The following ITGAE variants were observed in gnomAD, a reference collection of about 807,000 sequenced individuals.
The protein encoded by ITGAE is integrin alpha-E.
In ITGAE, 99 loss-of-function variants were observed where a neutral mutation model predicts 136.5. That is an observed-to-expected ratio of 0.73 (90% confidence interval 0.62 to 0.86). The LOEUF is 0.86. Ranked by LOEUF, ITGAE falls within the 40% of genes least tolerant of loss-of-function variation. The probability of loss-of-function intolerance (pLI) is 0.00; values close to 1 mark genes in which losing one functional copy is unlikely to be tolerated. For synonymous variants in ITGAE, 613 were observed against 591.8 expected, an observed-to-expected ratio of 1.04 and a Z score of -0.52; for missense variants, 1,447 against 1,515.3, an observed-to-expected ratio of 0.95 and a Z score of 0.75.
chr17:3,757,021 C>T lies in ITGAE; in HGVS notation c.1134G>A (p.Leu378=). 6.2e-7 allele frequency: 1 copy of T among 1,614,200 alleles called. No individual in the cohort carries two copies. The highest frequency in any genetic ancestry group is 8.5e-7 in the Non-Finnish European group (1 of 1,180,030). Residue 378 remains leucine, a synonymous_variant, in exon 10 of 31, where the codon CTG becomes CTA. Coordinates refer to ENST00000263087, the MANE Select transcript of ITGAE (RefSeq NM_002208.5). The part of the protein sequence containing the change: ...KVTNYMALDG[L]LSKLRYNIIS... ...TGATGTTGTACCGCAGTTTGCTCAG[C>T]AGCCCATCCAGCGCCATGTAGTTGG...
chr17:3,788,346 G>A (rs550486149), intron 1 of ITGAE, among the ~76,000 whole-genome samples: 1 of 151,658 alleles, frequency 6.6e-6, no homozygotes, highest in East Asian at 1.9e-4. Context: ...CTGGAGTGCA[G>A]TGGTGTGATC....
At chr17:3,743,436 T>TAGA in intron 19 of ITGAE, 53 bp downstream of exon 19, 1 of 1,513,872 alleles carries the variant, frequency 6.6e-7, no homozygotes, top group Non-Finnish European at 8.8e-7. Context: ...AGCAGGTGGT[T>TAGA]TCTGTGGGAT....
Position 3,728,099 on chromosome 17 carries a change from A to G in ITGAE, c.2976+6T>C, listed in dbSNP as rs774367628. 2.5e-6 allele frequency: 4 copies of G among 1,608,884 alleles called. No homozygotes were observed. Among genetic ancestry groups the G allele is most frequent in the Middle Eastern group, 1.6e-4 (1 of 6,066 alleles). ...CATCTACAGCTTTACAATAATAAGT[A>G]CTTACATGGAAGAGGAATTCTTTGT... On this transcript the variant is annotated splice_donor_region_variant and intron_variant, in intron 25 of 30. Transcript: ENST00000263087.
Position 3,745,038 on chromosome 17 carries a change from C to T in ITGAE, c.2319+726G>A, listed in dbSNP as rs58148850. Among the ~76,000 whole-genome samples, 1,316 of 152,214 alleles carry T rather than the reference C, an allele frequency of 8.6e-3. 25 individuals are homozygous for T. Among genetic ancestry groups the T allele is most frequent in the African/African-American group, 0.03 (1,255 of 41,518 alleles). ...CATTTGTTTATTGGAATAAACGATCCATATAGATCCAAAGTTCGAGATCCT... is the reference window on the plus strand; with the variant it reads ...CATTTGTTTATTGGAATAAACGATCTATATAGATCCAAAGTTCGAGATCCT... On this transcript the variant is annotated intron_variant, in intron 18 of 30. Transcript: ENST00000263087.
chr17:3,725,877 C>G (rs770570501), intron 26 of ITGAE: 1 of 1,611,988 alleles, frequency 6.2e-7, no homozygotes, highest in Non-Finnish European at 8.5e-7. Flanking sequence ...CTTTGAGCAC[C>G]GAGACTTACA....
chr17:3,723,481 T>C, intron 27 of ITGAE, 98 bp from the exon 28 acceptor site: 8 of 1,052,000 alleles, frequency 7.6e-6, no homozygotes, highest in South Asian at 1.3e-5. Flanking sequence ...GGTCCCAGAA[T>C]AGAGGGTGTG....
rs564945502 is a variant in ITGAE, at chr17:3,733,265, G to A, written c.2656-799C>T. The stretch of plus-strand genomic sequence containing the variant: ...CTCCCAAAGTGATGGGATTACAGCC[G>A]TGAGCCACGGTGCCCGGCCTAGGAG... On this transcript the variant is annotated intron_variant, in intron 21 of 30. Coordinates refer to ENST00000263087, the MANE Select transcript of ITGAE (RefSeq NM_002208.5). Among the ~76,000 whole-genome samples the A allele has an allele frequency of 5.3e-5, 8 of 151,786 alleles. No homozygotes were observed. In the South Asian group the frequency reaches 8.3e-4, roughly 16 times the overall value.
rs778135962 is a variant in ITGAE, at chr17:3,728,169, C to G, written c.2913-1G>C. The G allele has an allele frequency of 3.1e-6, 5 of 1,611,942 alleles. No individual in the cohort carries two copies. The Admixed American group carries it at 8.3e-5, about 27-fold the overall frequency. On this transcript the variant is annotated splice_acceptor_variant, in intron 24 of 30. Coordinates refer to ENST00000263087, the MANE Select transcript of ITGAE (RefSeq NM_002208.5). LOFTEE classifies it high-confidence loss of function. ...TGTGTTCACGTACATTATGGATGGT[C>G]TGCAATTGACAGGACATGCGTCAGC...
intron 28 of ITGAE, among the ~76,000 whole-genome samples, chr17:3,723,037 C>T (rs2051089852): frequency 6.6e-6 from 1 of 152,178 alleles, no homozygotes; most frequent in Non-Finnish European, 1.5e-5. Context: ...GCAGGGCTTG[C>T]TGCTGGAATA....
At chr17:3,782,370 TA>T (rs2052687528) in intron 1 of ITGAE, among the ~76,000 whole-genome samples, 1 of 146,190 alleles carries the variant, frequency 6.8e-6, no homozygotes, top group Non-Finnish European at 1.5e-5. Context: ...TGTGTGTGTG[TA>T]CTTTTTTTTT....
intron 1 of ITGAE, among the ~76,000 whole-genome samples, chr17:3,797,164 T>A (rs1287320611): frequency 0.49 from 48,078 of 97,954 alleles, 9,485 homozygotes; most frequent in Non-Finnish European, 0.52. Context: ...TATATTTTTT[T>A]TTTTTTTTTT....
chr17:3,777,778 C>T, intron 1 of ITGAE, 118 bp from the exon 2 acceptor site: 1 of 1,203,578 alleles, frequency 8.3e-7, no homozygotes, highest in South Asian at 1.5e-5. Context: ...GCCCAGGGAT[C>T]TTTATGTGTG....
chr17:3,770,870 C>T (rs915826324), intron 2 of ITGAE, among the ~76,000 whole-genome samples: 3 of 152,098 alleles, frequency 2.0e-5, no homozygotes, highest in African/African-American at 4.8e-5. Context: ...CTGTGAATGT[C>T]GGTGGGACCT....
At chr17:3,791,315 C>A (rs2052933655) in intron 1 of ITGAE, among the ~76,000 whole-genome samples, 1 of 151,700 alleles carries the variant, frequency 6.6e-6, no homozygotes, top group Admixed American at 6.6e-5. Flanking sequence ...CTGAGTCGTA[C>A]TCTGTTGCCC....
At chr17:3,792,418 GATATCTATAT>G (rs1416351444) in intron 1 of ITGAE, among the ~76,000 whole-genome samples, 1 of 152,138 alleles carries the variant, frequency 6.6e-6, no homozygotes, top group Non-Finnish European at 1.5e-5. Flanking sequence ...CGCCCGGCCT[GATATCTATAT>G]TTTATTCCTT....
In ITGAE at chr17:3,723,789, G is replaced by A. The variant is rs776593243; in HGVS notation, c.3085-45C>T. ...CGCGACGCGCTGAACAAACCAAGCCGCCAGTTTTCCGTCCCGTCCCGGCCC... is the reference window on the plus strand; with the variant it reads ...CGCGACGCGCTGAACAAACCAAGCCACCAGTTTTCCGTCCCGTCCCGGCCC... On this transcript the variant is annotated intron_variant, in intron 26 of 30. Transcript: ENST00000263087. 3.1e-5 allele frequency: 49 copies of A among 1,598,826 alleles called. No homozygotes were observed. The South Asian group carries it at 4.1e-4, about 13-fold the overall frequency.
intron 19 of ITGAE, among the ~76,000 whole-genome samples, chr17:3,742,476 A>G (rs1036378876): frequency 1.5e-5 from 2 of 130,032 alleles, no homozygotes; most frequent in African/African-American, 6.2e-5. Context: ...TTTTTTTGAG[A>G]CGGAGTCTTT....
intron 19 of ITGAE, 46 bp from the exon 20 acceptor site, chr17:3,739,924 C>T: frequency 6.7e-7 from 1 of 1,499,256 alleles, no homozygotes; most frequent in Non-Finnish European, 9.3e-7. Context: ...TCCGCCTTCC[C>T]CAGCAGCCCT....
At chr17:3,797,643 TAG>T (rs1042047172) in intron 1 of ITGAE, among the ~76,000 whole-genome samples, 1 of 151,718 alleles carries the variant, frequency 6.6e-6, no homozygotes, top group African/African-American at 2.4e-5. Flanking sequence ...GTATTTTTAG[TAG>T]AGACGGGGTT....
Sources: gnomAD v4.1 joint callset for allele counts (sites outside exome capture counted in the v4.1 genomes callset) on GRCh38, gnomAD v4.1.1 for gene constraint, MANE v1.5 for transcripts, NCBI Gene and HGNC (gene_info 2026-07-23, HGNC 2026-07-21) for gene names.